SLC25A21: variants seen among roughly 807,000 people sequenced by gnomAD.
SLC25A21 encodes the protein solute carrier family 25 member 21, also known as mitochondrial 2-oxodicarboxylate carrier.
In SLC25A21, 47 loss-of-function variants were observed where a neutral mutation model predicts 43.8. The observed-to-expected ratio is 1.07, with a 90% CI of 0.85 to 1.37. SLC25A21 has a LOEUF of 1.37. Ranked by LOEUF, SLC25A21 falls within the 40% of genes most tolerant of loss-of-function variation. SLC25A21 has a pLI of 0.00. For missense variants in SLC25A21, 352 were observed against 350.2 expected, an observed-to-expected ratio of 1.00 and a Z score of -0.04; for synonymous variants, 131 against 121.3, an observed-to-expected ratio of 1.08 and a Z score of -0.52.
At chr14:37,034,042 A>C (rs987579197) in intron 1 of SLC25A21, among the ~76,000 whole-genome samples, 6 of 150,970 alleles carry the variant, frequency 4.0e-5, no homozygotes, top group African/African-American at 1.5e-4. Flanking sequence ...TTTGAGATGG[A>C]GTCTCACTCT....
At chr14:36,730,978 T>G (rs1884797378) in intron 4 of SLC25A21, among the ~76,000 whole-genome samples, 2 of 151,694 alleles carry the variant, frequency 1.3e-5, no homozygotes, top group Admixed American at 6.6e-5. Flanking sequence ...CTTAGGTTTT[T>G]TTTTTTTTTT....
At chr14:36,832,193 C>T (rs1889062667) in intron 2 of SLC25A21, among the ~76,000 whole-genome samples, 1 of 152,046 alleles carries the variant, frequency 6.6e-6, no homozygotes, top group African/African-American at 2.4e-5. Context: ...AAAATCACCA[C>T]CAGAGTATAG....
intron 1 of SLC25A21, among the ~76,000 whole-genome samples, chr14:37,147,991 C>A (rs1963697534): frequency 1.3e-5 from 2 of 151,850 alleles, no homozygotes; most frequent in Admixed American, 1.3e-4. Context: ...GCACTCACCA[C>A]CACACCTGGC....
At chr14:37,034,723 C>A (rs1317557859) in intron 1 of SLC25A21, among the ~76,000 whole-genome samples, 1 of 152,180 alleles carries the variant, frequency 6.6e-6, no homozygotes, top group African/African-American at 2.4e-5. Flanking sequence ...CAACCATCTG[C>A]TATTTATTTT....
intron 1 of SLC25A21, among the ~76,000 whole-genome samples, chr14:37,153,030 G>A (rs1963785766): frequency 6.6e-6 from 1 of 152,160 alleles, no homozygotes; most frequent in Non-Finnish European, 1.5e-5. Context: ...CTAAGAGCTG[G>A]GAGTGACTTC....
At chr14:36,985,364 T>A (rs944114993) in intron 1 of SLC25A21, among the ~76,000 whole-genome samples, 5 of 151,458 alleles carry the variant, frequency 3.3e-5, no homozygotes, top group South Asian at 2.1e-4. Context: ...AAGTATAATT[T>A]AAAAAAAATG....
chr14:36,957,907 A>G (rs1441977055), intron 1 of SLC25A21, among the ~76,000 whole-genome samples: 1 of 152,206 alleles, frequency 6.6e-6, no homozygotes, highest in Non-Finnish European at 1.5e-5. Flanking sequence ...ATTATTCTAT[A>G]TATCTTTTTC....
At chr14:36,748,299 C>T (rs191836392) in intron 3 of SLC25A21, among the ~76,000 whole-genome samples, 2 of 152,274 alleles carry the variant, frequency 1.3e-5, no homozygotes, top group Non-Finnish European at 2.9e-5. Context: ...GGTTTCTGCA[C>T]GGAGCTAAAA....
intron 2 of SLC25A21, among the ~76,000 whole-genome samples, chr14:36,866,803 T>C (rs992685034): frequency 9.9e-5 from 15 of 152,156 alleles, no homozygotes; most frequent in Non-Finnish European, 1.8e-4. Context: ...AAGTGTAAAA[T>C]AGGCAACAGA....
chr14:36,739,390 C>T (rs1374742195), intron 3 of SLC25A21, among the ~76,000 whole-genome samples: 1 of 152,100 alleles, frequency 6.6e-6, no homozygotes, highest in Non-Finnish European at 1.5e-5. Context: ...AAGAGGCACA[C>T]CAGGAGGCTA....
chr14:36,979,923 T>C lies in SLC25A21; in HGVS notation c.71-104919A>G, dbSNP rs540601504. Among the ~76,000 whole-genome samples, 16 of 152,282 alleles carry C rather than the reference T, an allele frequency of 1.1e-4. No individual in the cohort carries two copies. In the East Asian group the frequency reaches 3.1e-3, roughly 29 times the overall value. ...ACTCAAGTTAAATAAAACATATTTT[T>C]TAAGCCACTGCCCATATAAAATCCT... On this transcript the variant is annotated intron_variant, in intron 1 of 9. Coordinates refer to ENST00000331299, the MANE Select transcript of SLC25A21 (RefSeq NM_030631.4).
In SLC25A21 at chr14:36,680,098, A is replaced by ACAT. The variant is rs1882149402; in HGVS notation, c.*557_*559dup. 1 of 883,840 alleles carries ACAT rather than the reference A, an allele frequency of 1.1e-6. No homozygotes were observed. The highest frequency in any genetic ancestry group is 1.8e-5 in the African/African-American group (1 of 54,976). 54.7% of individuals were successfully genotyped at this position (883,840 alleles called of 1,614,324 possible). A position where few individuals can be genotyped will look rare whatever the true frequency, so the allele number is the denominator to read the frequency against. Reference sequence around the variant, plus strand: ...AAAAAACCAACAGATTTACATTTTAACATAGTATTCATAAAATTAAACATT... The same window carrying ACAT: ...AAAAAACCAACAGATTTACATTTTAACATCATAGTATTCATAAAATTAAACATT... On this transcript the variant is annotated 3_prime_UTR_variant, in exon 10 of 10. Transcript: ENST00000331299.
At position 36,911,142 on chromosome 14, in the gene SLC25A21, C is replaced by A. The variant is rs527749722; in HGVS notation, c.71-36138G>T. On this transcript the variant is annotated intron_variant, in intron 1 of 9. Transcript: ENST00000331299. Reference sequence around the variant, plus strand: ...ACTACTGCTGATACAACTACTAATTCTATTACTACTACTATAACTACTACT... The same window carrying A: ...ACTACTGCTGATACAACTACTAATTATATTACTACTACTATAACTACTACT... Among the ~76,000 whole-genome samples, 12 of 152,248 alleles carry A rather than the reference C, an allele frequency of 7.9e-5. No individual in the cohort carries two copies. The East Asian group carries it at 2.3e-3, about 29-fold the overall frequency.
At chr14:36,790,246 A>C (rs552866395) in intron 3 of SLC25A21, among the ~76,000 whole-genome samples, 1 of 152,106 alleles carries the variant, frequency 6.6e-6, no homozygotes, top group East Asian at 1.9e-4. Flanking sequence ...TGATTAGCTC[A>C]AAGGAAATGT....
chr14:37,123,088 G>A (rs185018210), intron 1 of SLC25A21, among the ~76,000 whole-genome samples: 18 of 152,306 alleles, frequency 1.2e-4, no homozygotes, highest in Non-Finnish European at 2.5e-4. Flanking sequence ...TGAGAAGAAT[G>A]TTAAAAATGT....
At chr14:36,750,282 T>A (rs994440484) in intron 3 of SLC25A21, among the ~76,000 whole-genome samples, 1 of 152,186 alleles carries the variant, frequency 6.6e-6, no homozygotes, top group Non-Finnish European at 1.5e-5. Context: ...TGAACAAATG[T>A]AGACTTCAAT....
intron 1 of SLC25A21, among the ~76,000 whole-genome samples, chr14:37,014,429 C>T (rs1485663764): frequency 6.6e-6 from 1 of 152,124 alleles, no homozygotes; most frequent in Non-Finnish European, 1.5e-5. Context: ...ACTTTCTTTG[C>T]TCATCCATAA....
At chr14:37,119,370 G>A (rs1963163964) in intron 1 of SLC25A21, among the ~76,000 whole-genome samples, 1 of 152,100 alleles carries the variant, frequency 6.6e-6, no homozygotes, top group South Asian at 2.1e-4. Flanking sequence ...CCAACATGGT[G>A]AAGCCTCATC....
chr14:36,879,849 A>C (rs1890659934), intron 1 of SLC25A21, among the ~76,000 whole-genome samples: 1 of 152,086 alleles, frequency 6.6e-6, no homozygotes, highest in Non-Finnish European at 1.5e-5. Flanking sequence ...ATTGTCACAC[A>C]ATGATTAATC....
Sources: allele counts gnomAD v4.1 joint callset (sites outside exome capture counted in the v4.1 genomes callset), GRCh38; gene constraint gnomAD v4.1.1; transcripts MANE v1.5; gene names NCBI Gene and HGNC (gene_info 2026-07-23, HGNC 2026-07-21).